The following LRRC4C variants were observed in gnomAD, a reference collection of about 807,000 sequenced individuals.
LRRC4C encodes leucine rich repeat containing 4C.
Under a neutral mutation model 33.6 loss-of-function variants are expected in LRRC4C, and 5 were observed. That is an observed-to-expected ratio of 0.15 (90% confidence interval 0.08 to 0.31). LRRC4C has a LOEUF of 0.31. LRRC4C is among the 10% of genes least tolerant of loss of function. LRRC4C has a pLI of 1.00. For synonymous variants in LRRC4C, 329 were observed against 302.0 expected (o/e 1.09, Z -0.93); for missense variants, 560 against 796.7 (o/e 0.70, Z 3.58).
intron 3 of LRRC4C, among the ~76,000 whole-genome samples, chr11:40,379,806 T>A (rs1948794165): frequency 6.6e-6 from 1 of 152,198 alleles, no homozygotes. Context: ...ACATGCGTTG[T>A]GCTCAAATTG....
intron 5 of LRRC4C, among the ~76,000 whole-genome samples, chr11:40,182,134 TA>T: frequency 6.6e-6 from 1 of 152,208 alleles, no homozygotes; most frequent in East Asian, 1.9e-4. Flanking sequence ...AAGTAATAAG[TA>T]AAAAGTATTA....
chr11:41,014,219 C>A (rs548725889), intron 1 of LRRC4C, among the ~76,000 whole-genome samples: 17 of 152,220 alleles, frequency 1.1e-4, no homozygotes, highest in Non-Finnish European at 2.5e-4. Flanking sequence ...TTTTCTAATG[C>A]CATCACCTTG....
intron 3 of LRRC4C, among the ~76,000 whole-genome samples, chr11:40,443,049 C>T (rs562304034): frequency 2.6e-4 from 40 of 152,250 alleles, no homozygotes; most frequent in African/African-American, 8.4e-4. Flanking sequence ...AATCTCATTA[C>T]ATGTTTAATT....
At chr11:41,191,789 T>C (rs1364571551) in intron 1 of LRRC4C, among the ~76,000 whole-genome samples, 4 of 152,140 alleles carry the variant, frequency 2.6e-5, no homozygotes, top group South Asian at 2.1e-4. Context: ...GCATAAGATA[T>C]ACTTGGAAAA....
At chr11:41,201,472 C>G (rs771462680) in intron 1 of LRRC4C, among the ~76,000 whole-genome samples, 5 of 152,140 alleles carry the variant, frequency 3.3e-5, no homozygotes, top group African/African-American at 4.8e-5. Context: ...GGGAGCAAAG[C>G]TCATTTATTT....
chr11:40,962,787 A>G (rs1305242301), intron 1 of LRRC4C, among the ~76,000 whole-genome samples: 2 of 151,770 alleles, frequency 1.3e-5, no homozygotes, highest in Non-Finnish European at 3.0e-5. Flanking sequence ...AAAAGTTGCC[A>G]TAAACTTTAG....
chr11:41,448,273 G>T (rs1384958196), intron 1 of LRRC4C, among the ~76,000 whole-genome samples: 3 of 147,202 alleles, frequency 2.0e-5, no homozygotes, highest in Non-Finnish European at 3.0e-5. Flanking sequence ...TTTCAGGATA[G>T]AACTTAGCAA....
At chr11:40,404,071 C>T (rs1281717494) in intron 3 of LRRC4C, among the ~76,000 whole-genome samples, 2 of 152,170 alleles carry the variant, frequency 1.3e-5, no homozygotes, top group East Asian at 1.9e-4. Flanking sequence ...ATGACATACA[C>T]AGAAACTTTA....
At chr11:40,986,976 A>T (rs1205881052) in intron 1 of LRRC4C, among the ~76,000 whole-genome samples, 1 of 152,218 alleles carries the variant, frequency 6.6e-6, no homozygotes, top group African/African-American at 2.4e-5. Context: ...ATTAATAGCA[A>T]CATCAGCTAT....
At chr11:41,319,696 G>A (rs1332398410) in intron 1 of LRRC4C, among the ~76,000 whole-genome samples, 1 of 152,022 alleles carries the variant, frequency 6.6e-6, no homozygotes, top group African/African-American at 2.4e-5. Flanking sequence ...AACTACAGGT[G>A]CACACCATCA....
At chr11:40,349,609 A>G (rs1381515488) in intron 3 of LRRC4C, among the ~76,000 whole-genome samples, 1 of 152,134 alleles carries the variant, frequency 6.6e-6, no homozygotes, top group East Asian at 1.9e-4. Context: ...CGGCTGGATT[A>G]TACGATAGTT....
intron 3 of LRRC4C, among the ~76,000 whole-genome samples, chr11:40,326,566 A>G (rs202214728): frequency 1.3e-5 from 2 of 149,428 alleles, no homozygotes; most frequent in East Asian, 2.0e-4. Context: ...AAAAAAAAAA[A>G]AAGAAGAAGT....
At chr11:41,117,833 G>A (rs1365090287) in intron 1 of LRRC4C, among the ~76,000 whole-genome samples, 1 of 152,026 alleles carries the variant, frequency 6.6e-6, no homozygotes, top group Non-Finnish European at 1.5e-5. Flanking sequence ...ATTCGCATTA[G>A]CTTATTTTAC....
chr11:41,058,634 T>G (rs928198975), intron 1 of LRRC4C, among the ~76,000 whole-genome samples: 1 of 152,220 alleles, frequency 6.6e-6, no homozygotes, highest in Non-Finnish European at 1.5e-5. Context: ...TCAGCTGCTG[T>G]GGAATGTAGT....
At chr11:40,940,476 T>C (rs1010444693) in intron 1 of LRRC4C, among the ~76,000 whole-genome samples, 41 of 152,142 alleles carry the variant, frequency 2.7e-4, no homozygotes, top group South Asian at 4.1e-4. Flanking sequence ...TTTTCTTGCC[T>C]ATGTTCTTAG....
intron 3 of LRRC4C, among the ~76,000 whole-genome samples, chr11:40,385,293 C>A (rs1949060250): frequency 6.6e-6 from 1 of 152,182 alleles, no homozygotes; most frequent in Non-Finnish European, 1.5e-5. Flanking sequence ...TCAAGGGGAA[C>A]TGCATTAATA....
At chr11:40,526,348 A>C (rs535870199) in intron 3 of LRRC4C, among the ~76,000 whole-genome samples, 1 of 152,258 alleles carries the variant, frequency 6.6e-6, no homozygotes, top group African/African-American at 2.4e-5. Context: ...TATACTCACA[A>C]CCAGCATACA....
intron 1 of LRRC4C, among the ~76,000 whole-genome samples, chr11:41,010,148 C>T (rs1276033762): frequency 6.6e-6 from 1 of 152,128 alleles, no homozygotes; most frequent in Non-Finnish European, 1.5e-5. Flanking sequence ...CACGTGATTA[C>T]AGACTTCTAA....
chr11:40,384,110 C>T (rs1032511794), intron 3 of LRRC4C, among the ~76,000 whole-genome samples: 9 of 151,640 alleles, frequency 5.9e-5, no homozygotes, highest in African/African-American at 1.7e-4. Flanking sequence ...CATGTAATCC[C>T]ACTTGTCTAC....
Sources: allele counts gnomAD v4.1 joint callset (sites outside exome capture counted in the v4.1 genomes callset), GRCh38; gene constraint gnomAD v4.1.1; transcripts MANE v1.5; gene names NCBI Gene and HGNC (gene_info 2026-07-23, HGNC 2026-07-21).